Variants in PHYKPL observed in about 807,000 individuals in gnomAD.
PHYKPL encodes the protein 5-phosphohydroxy-L-lysine phospho-lyase.
Under a neutral mutation model 51.3 loss-of-function variants are expected in PHYKPL, and 42 were observed. The ratio of observed to expected loss-of-function variants is 0.82; its 90% CI spans 0.64 to 1.06. The LOEUF is 1.06. Ranked by LOEUF, PHYKPL falls within the 50% of genes least tolerant of loss-of-function variation. PHYKPL has a pLI of 0.00. For synonymous variants in PHYKPL, 264 were observed against 236.0 expected (o/e 1.12, Z -1.09); for missense variants, 655 against 586.6 (o/e 1.12, Z -1.20).
In PHYKPL at chr5:178,225,540, A is replaced by C. The variant is rs77262943; in HGVS notation, c.339-111T>G. ...CAGCAAGAAGATTCTCAGGACATCA[A>C]CTAGTCAGTCACTTGCTTGTTTGTT... On this transcript the variant is annotated intron_variant, in intron 3 of 12. Coordinates refer to ENST00000308158, the MANE Select transcript of PHYKPL (RefSeq NM_153373.4). 1,916 of 980,552 alleles carry C rather than the reference A, an allele frequency of 2.0e-3. 32 individuals are homozygous for C. The African/African-American group carries it at 0.027, about 14-fold the overall frequency. 60.7% of individuals were successfully genotyped at this position (980,552 alleles called of 1,614,324 possible). A position where few individuals can be genotyped will look rare whatever the true frequency, so the allele number is the denominator to read the frequency against.
At chr5:178,231,357 A>G (rs754892678) in intron 2 of PHYKPL, 48 bp downstream of exon 2, 3 of 1,613,500 alleles carry the variant, frequency 1.9e-6, no homozygotes, top group Non-Finnish European at 2.5e-6. Flanking sequence ...CCAGGTTCAC[A>G]GCACTGCCTT....
chr5:178,225,736 A>G (rs1253518078), intron 3 of PHYKPL: 1 of 371,872 alleles, frequency 2.7e-6, no homozygotes, highest in Admixed American at 3.9e-5. Flanking sequence ...AACAATCAAC[A>G]CAGAAGACTT....
downstream of PHYKPL, chr5:178,207,301 G>A: frequency 2.6e-6 from 4 of 1,557,284 alleles, no homozygotes; most frequent in African/African-American, 1.4e-5. Context: ...TTAGGGGTTG[G>A]GCCTCATGCA....
At chr5:178,232,451 G>A (rs755185086) in intron 1 of PHYKPL, 41 bp downstream of exon 1, 21 of 1,376,498 alleles carry the variant, frequency 1.5e-5, no homozygotes, top group Non-Finnish European at 1.9e-5. Context: ...GCCTCTCCGC[G>A]CAGCCCCGCG....
chr5:178,219,898 TGAA>T (rs1427104971), intron 8 of PHYKPL, among the ~76,000 whole-genome samples: 4 of 151,930 alleles, frequency 2.6e-5, no homozygotes, highest in Non-Finnish European at 5.9e-5. Flanking sequence ...TAAAAGGCAC[TGAA>T]GAAGATATAG....
intron 12 of PHYKPL, chr5:178,210,145 T>C (rs1554103730): frequency 1.9e-6 from 3 of 1,613,958 alleles, no homozygotes; most frequent in Non-Finnish European, 2.5e-6. Context: ...AGAGTCAGAG[T>C]TGGAATCAGG....
chr5:178,231,866 T>C (rs1281236445), intron 1 of PHYKPL: 2 of 1,332,486 alleles, frequency 1.5e-6, no homozygotes, highest in South Asian at 1.2e-5. Flanking sequence ...AGGCCGCGTG[T>C]CTTCGATGGG....
Position 178,208,621 on chromosome 5 carries a change from C to T in PHYKPL, c.*326G>A, listed in dbSNP as rs1226197858. 6.6e-6 allele frequency: 1 copy of T among 152,178 alleles called. No homozygotes were observed. The highest frequency in any genetic ancestry group is 1.9e-4 in the East Asian group (1 of 5,192). The allele number at this position is 152,178 out of a possible 1,614,324, so 9.4% of individuals were successfully genotyped here. Reference sequence around the variant, plus strand: ...TACTATTTTTAATGGGTGTGCATGTCAGGATTTTCTTTAGAAATACACTGG... The same window carrying T: ...TACTATTTTTAATGGGTGTGCATGTTAGGATTTTCTTTAGAAATACACTGG... On this transcript the variant is annotated 3_prime_UTR_variant, in exon 13 of 13. Transcript: ENST00000308158.
At chr5:178,226,836 G>GT (rs1762378270) in intron 3 of PHYKPL, 1 of 152,204 alleles carries the variant, frequency 6.6e-6, no homozygotes, top group Non-Finnish European at 1.5e-5. Flanking sequence ...ACAAAAGAGT[G>GT]TAACAAGGGC....
At position 178,231,127 on chromosome 5, in the gene PHYKPL, G is replaced by A. The variant is rs536601757; in HGVS notation, c.178+278C>T. ...TGGCCAGCACTGTGCTACGTTGCTG[G>A]TCACAGCTGGGCCATCTGCCACTTT... On this transcript the variant is annotated intron_variant, in intron 2 of 12. Transcript: ENST00000308158. 5.3e-5 allele frequency among the ~76,000 whole-genome samples: 8 copies of A among 152,284 alleles called. No individual in the cohort carries two copies. The South Asian group carries it at 1.0e-3, about 20-fold the overall frequency.
intron 2 of PHYKPL, among the ~76,000 whole-genome samples, 177 bp downstream of exon 2, chr5:178,231,228 C>T (rs1020746764): frequency 1.3e-4 from 20 of 152,214 alleles, no homozygotes; most frequent in Admixed American, 1.3e-3. Flanking sequence ...TTTAGCACAG[C>T]TCCAGATTGC....
chr5:178,231,491 G>T lies in PHYKPL; in HGVS notation c.92C>A (p.Pro31His). ...CCCTTGGGCCCGGACAATCTTAACA[G>T]GATCCTCGGGAAAAAAGAGTCTGCA... Reference protein sequence around the residue: ...SSCRLFFPEDPVKIVRAQGQY... With the variant: ...SSCRLFFPEDHVKIVRAQGQY... The change falls in exon 2 of 13, where the codon CCT becomes CAT. Residue 31 changes from proline to histidine, a missense_variant. Physicochemically the swap from Pro to His is moderately conservative, Grantham distance 77. Coordinates refer to ENST00000308158, the MANE Select transcript of PHYKPL (RefSeq NM_153373.4). 6.2e-7 allele frequency: 1 copy of T among 1,614,198 alleles called. No homozygotes were observed. The highest frequency in any genetic ancestry group is 8.5e-7 in the Non-Finnish European group (1 of 1,180,028).
At chr5:178,207,190 C>T (rs775960932), downstream of PHYKPL, 2 of 1,614,062 alleles carry the variant, frequency 1.2e-6, no homozygotes, top group Non-Finnish European at 1.7e-6. Flanking sequence ...GAAGAAGGTT[C>T]TGGAGAAAAA....
At chr5:178,209,526 T>C in intron 12 of PHYKPL, 1 of 1,264,058 alleles carries the variant, frequency 7.9e-7, no homozygotes, top group Non-Finnish European at 1.2e-6. Flanking sequence ...GGGCTCCCTC[T>C]GGTGCTGTGC....
chr5:178,209,911 T>G (rs2113609928), intron 12 of PHYKPL, among the ~76,000 whole-genome samples: 1 of 152,238 alleles, frequency 6.6e-6, no homozygotes, highest in African/African-American at 2.4e-5. Context: ...AGCTGCCTTG[T>G]TTGCCCCAAG....
At chr5:178,231,650 C>T (rs772701002) in intron 1 of PHYKPL, 127 bp from the exon 2 acceptor site, 2 of 1,597,744 alleles carry the variant, frequency 1.3e-6, no homozygotes, top group Non-Finnish European at 1.7e-6. Context: ...GCTGGAAGGG[C>T]AAGGTGCTGC....
In PHYKPL at chr5:178,232,771, T is replaced by A; in HGVS notation, c.-221A>T. 2.4e-6 allele frequency: 1 copy of A among 418,382 alleles called. No homozygotes were observed. The highest frequency in any genetic ancestry group is 3.8e-6 in the Non-Finnish European group (1 of 264,814). 25.9% of individuals were successfully genotyped at this position (418,382 alleles called of 1,614,324 possible). On this transcript the variant is annotated 5_prime_UTR_variant, in exon 1 of 13. Coordinates refer to ENST00000308158, the MANE Select transcript of PHYKPL (RefSeq NM_153373.4). The stretch of plus-strand genomic sequence containing the variant: ...CCGGCCCGTGGTCGTGCCTTGGCAG[T>A]CCCGCGCAGGAACTCGAGCGCTGCC...
intron 9 of PHYKPL, 61 bp downstream of exon 9, chr5:178,215,215 G>A: frequency 6.2e-7 from 1 of 1,608,786 alleles, no homozygotes; most frequent in Admixed American, 1.7e-5. Context: ...AGGAGGTGAA[G>A]AAAATGGTAC....
At chr5:178,211,223 G>C (rs1040427962) in intron 12 of PHYKPL, 25 of 147,006 alleles carry the variant, frequency 1.7e-4, no homozygotes, top group East Asian at 5.8e-4. Context: ...AGGGAGGCGG[G>C]GGGGGGGTGC....
Sources: gnomAD v4.1 joint callset for allele counts (sites outside exome capture counted in the v4.1 genomes callset) on GRCh38, gnomAD v4.1.1 for gene constraint, MANE v1.5 for transcripts, NCBI Gene and HGNC (gene_info 2026-07-23, HGNC 2026-07-21) for gene names.